PCDHA10: variants seen among roughly 807,000 people sequenced by gnomAD.
PCDHA10 encodes protocadherin alpha-10.
A neutral mutation model predicts 61.2 loss-of-function variants in PCDHA10; 45 were observed. The ratio of observed to expected loss-of-function variants is 0.74; its 90% CI spans 0.58 to 0.94. The LOEUF is 0.94. Ranked by LOEUF, PCDHA10 falls within the 40% of genes least tolerant of loss-of-function variation. The pLI is 0.00. For missense variants in PCDHA10, 1,278 were observed against 1,236.2 expected (o/e 1.03, Z -0.51); for synonymous variants, 602 against 548.8 (o/e 1.10, Z -1.35).
intron 1 of PCDHA10, chr5:140,928,259 A>G: frequency 6.2e-7 from 1 of 1,614,218 alleles, no homozygotes; most frequent in Non-Finnish European, 8.5e-7. Context: ...TTCGTTGCTG[A>G]AAACAATGGC....
In PCDHA10 at chr5:141,009,796, T is replaced by C; in HGVS notation, c.2706T>C (p.Thr902=). The C allele has an allele frequency of 6.2e-7, 1 of 1,614,046 alleles. No individual in the cohort carries two copies. The highest frequency in any genetic ancestry group is 8.5e-7 in the Non-Finnish European group (1 of 1,180,016). Residue 902 remains threonine (T), a synonymous_variant, in exon 4 of 4, where the codon ACT becomes ACC. Coordinates refer to ENST00000307360, the MANE Select transcript of PCDHA10 (RefSeq NM_018901.4). ...PAIISIRQEP[T]NSQIDKSDFI... ...TCATCTCCATCCGGCAGGAGCCTACTAACAGCCAAATTGACAAAAGTGACT... is the reference window on the plus strand; with the variant it reads ...TCATCTCCATCCGGCAGGAGCCTACCAACAGCCAAATTGACAAAAGTGACT...
chr5:140,908,763 G>A (rs1159029668), intron 1 of PCDHA10, among the ~76,000 whole-genome samples: 5 of 152,284 alleles, frequency 3.3e-5, no homozygotes, highest in East Asian at 3.9e-4. Context: ...CAGCCTGGAC[G>A]TGTTGTAGAG....
intron 1 of PCDHA10, among the ~76,000 whole-genome samples, chr5:140,964,381 T>C (rs1008874330): frequency 1.3e-5 from 2 of 152,176 alleles, no homozygotes. Flanking sequence ...AGGAGAGTCC[T>C]GGTTTTTCTC....
At chr5:140,891,801 C>T (rs2063255606) in intron 1 of PCDHA10, among the ~76,000 whole-genome samples, 1 of 152,056 alleles carries the variant, frequency 6.6e-6, no homozygotes, top group Non-Finnish European at 1.5e-5. Context: ...AGGGATCTGC[C>T]CTCATGAATA....
intron 1 of PCDHA10, chr5:140,882,952 G>A (rs782634608): frequency 3.7e-6 from 6 of 1,614,048 alleles, no homozygotes; most frequent in Non-Finnish European, 5.1e-6. Flanking sequence ...CAGTTCAGCT[G>A]CTCATCACGA....
At chr5:140,875,884 C>A in intron 1 of PCDHA10, 1 of 1,614,168 alleles carries the variant, frequency 6.2e-7, no homozygotes, top group Non-Finnish European at 8.5e-7. Context: ...AGAAAGGGAA[C>A]AAAAGGTACC....
At chr5:140,924,416 T>G (rs1283567998) in intron 1 of PCDHA10, among the ~76,000 whole-genome samples, 1 of 152,192 alleles carries the variant, frequency 6.6e-6, no homozygotes, top group African/African-American at 2.4e-5. Context: ...CAGTGTGCCC[T>G]TTCTAGTTCC....
chr5:140,927,896 A>G (rs571131956), intron 1 of PCDHA10: 1 of 1,614,200 alleles, frequency 6.2e-7, no homozygotes, highest in African/African-American at 1.3e-5. Context: ...GACGTGAACG[A>G]TCATGCCCCC....
In PCDHA10 at chr5:140,884,801, A is replaced by AT. The variant is rs2060359948; in HGVS notation, c.2388+26365_2388+26366insT. 5 of 1,250,206 alleles carry AT rather than the reference A, an allele frequency of 4.0e-6. No individual in the cohort carries two copies. In the South Asian group the frequency reaches 8.8e-5, roughly 22 times the overall value. 77.4% of individuals were successfully genotyped at this position (1,250,206 alleles called of 1,614,324 possible). A position where few individuals can be genotyped will look rare whatever the true frequency, so the allele number is the denominator to read the frequency against. On this transcript the variant is annotated intron_variant, in intron 1 of 3. Coordinates refer to ENST00000307360, the MANE Select transcript of PCDHA10 (RefSeq NM_018901.4). ...TTTGCTAGTTGTTATCGAATTTAACAACTCTGCTGTGGACATTATGTGTTG... is the reference window on the plus strand; with the variant it reads ...TTTGCTAGTTGTTATCGAATTTAACATACTCTGCTGTGGACATTATGTGTTG...
intron 1 of PCDHA10, among the ~76,000 whole-genome samples, chr5:140,942,271 A>G (rs1421470016): frequency 6.6e-6 from 1 of 152,184 alleles, no homozygotes; most frequent in Non-Finnish European, 1.5e-5. Context: ...AAAGCTGGTA[A>G]TGGTGGCTCA....
chr5:140,893,689 A>T (rs999117899), intron 1 of PCDHA10, among the ~76,000 whole-genome samples: 1 of 152,192 alleles, frequency 6.6e-6, no homozygotes, highest in Admixed American at 6.5e-5. Flanking sequence ...ATATCATCTC[A>T]TTCTATCCTA....
intron 1 of PCDHA10, chr5:140,926,715 G>C (rs114961630): frequency 2.1e-6 from 2 of 952,238 alleles, no homozygotes; most frequent in Non-Finnish European, 1.4e-6. Flanking sequence ...GGCCAGCCCC[G>C]GCAATGCCGG....
intron 1 of PCDHA10, among the ~76,000 whole-genome samples, chr5:140,937,306 G>A (rs994842470): frequency 4.3e-4 from 66 of 152,048 alleles, no homozygotes; most frequent in African/African-American, 1.6e-3. Flanking sequence ...CAAAGTGCTG[G>A]GATTACAGGC....
chr5:140,871,098 G>T (rs2052704304), intron 1 of PCDHA10: 4 of 1,613,192 alleles, frequency 2.5e-6, no homozygotes, highest in Non-Finnish European at 3.4e-6. Context: ...CCACCGTGCT[G>T]GTGTCGTTGG....
chr5:140,878,001 T>C (rs2057434893), intron 1 of PCDHA10: 6 of 1,018,808 alleles, frequency 5.9e-6, no homozygotes, highest in South Asian at 4.4e-5. Flanking sequence ...TATGTATTTG[T>C]CTAACATTAA....
intron 1 of PCDHA10, among the ~76,000 whole-genome samples, chr5:140,940,840 A>T (rs1554213622): frequency 2.0e-5 from 3 of 152,222 alleles, no homozygotes; most frequent in Non-Finnish European, 1.5e-5. Context: ...ACCTTTCTTC[A>T]CGATAGATTT....
intron 1 of PCDHA10, among the ~76,000 whole-genome samples, chr5:140,894,352 G>A (rs2064438357): frequency 6.6e-6 from 1 of 151,796 alleles, no homozygotes; most frequent in Admixed American, 6.6e-5. Context: ...TATTACTTCA[G>A]ATTTCTTCTT....
At chr5:140,928,139 C>T in intron 1 of PCDHA10, 2 of 1,614,174 alleles carry the variant, frequency 1.2e-6, no homozygotes, top group Non-Finnish European at 8.5e-7. Flanking sequence ...GTCCTGATCA[C>T]GGCCTCAGAT....
At chr5:140,929,050 C>T (rs946542782) in intron 1 of PCDHA10, 11 of 1,614,026 alleles carry the variant, frequency 6.8e-6, no homozygotes, top group African/African-American at 5.3e-5. Flanking sequence ...GAGCTGCTGT[C>T]GCTCTACAGA....
Sources: allele counts gnomAD v4.1 joint callset (sites outside exome capture counted in the v4.1 genomes callset), GRCh38; gene constraint gnomAD v4.1.1; transcripts MANE v1.5; gene names NCBI Gene and HGNC (gene_info 2026-07-23, HGNC 2026-07-21).